Variants in AK3 observed in about 807,000 individuals in gnomAD.
AK3 encodes the protein GTP:AMP phosphotransferase AK3, mitochondrial.
Under a neutral mutation model 23.7 loss-of-function variants are expected in AK3, and 27 were observed. That is an observed-to-expected ratio of 1.14 (90% confidence interval 0.84 to 1.57). AK3 has a LOEUF of 1.57. Ranked by LOEUF, AK3 falls within the 40% of genes most tolerant of loss-of-function variation. AK3 has a pLI of 0.00. For synonymous variants in AK3, 159 were observed against 116.0 expected (o/e 1.37, Z -2.38); for missense variants, 406 against 285.6 (o/e 1.42, Z -3.04).
intron 1 of AK3, among the ~76,000 whole-genome samples, chr9:4,735,418 C>T (rs930122409): frequency 2.2e-5 from 2 of 90,038 alleles, no homozygotes; most frequent in African/African-American, 4.8e-5. Context: ...AATATATATA[C>T]ATATATAAAT....
intron 1 of AK3, among the ~76,000 whole-genome samples, chr9:4,728,936 CATAT>C (rs1224880271): frequency 1.6e-5 from 2 of 128,784 alleles, no homozygotes; most frequent in Non-Finnish European, 3.4e-5. Flanking sequence ...TATATACATA[CATAT>C]ATACATACAT....
Position 4,740,914 on chromosome 9 carries a change from G to T in AK3, c.151+23C>A, listed in dbSNP as rs764448561. On this transcript the variant is annotated intron_variant, in intron 1 of 4. Coordinates refer to ENST00000381809, the MANE Select transcript of AK3 (RefSeq NM_016282.4). ...CCGACCCGGGTGACAGCGCACGGCC[G>T]GCCCTGGGCCCAGAGCTCCCACCTG... is the stretch of plus-strand genomic sequence containing the variant. 4 of 1,509,330 alleles carry T rather than the reference G, an allele frequency of 2.7e-6. No individual in the cohort carries two copies. The African/African-American group carries it at 5.7e-5, about 22-fold the overall frequency. The allele number at this position is 1,509,330 out of a possible 1,614,324, so 93.5% of individuals were successfully genotyped here.
At chr9:4,724,079 G>A (rs191976928) in intron 1 of AK3, among the ~76,000 whole-genome samples, 8 of 152,196 alleles carry the variant, frequency 5.3e-5, no homozygotes, top group East Asian at 3.9e-4. Context: ...GCATGGACAC[G>A]GGCTGTCATG....
chr9:4,721,931 C>G (rs903891810), intron 2 of AK3, among the ~76,000 whole-genome samples: 8 of 152,224 alleles, frequency 5.3e-5, no homozygotes, highest in African/African-American at 7.2e-5. Flanking sequence ...AAGGGCAACA[C>G]TGAGTGCACG....
chr9:4,735,478 AT>A lies in AK3; in HGVS notation c.151+5458del, dbSNP rs201454793. On this transcript the variant is annotated intron_variant, in intron 1 of 4. Coordinates refer to ENST00000381809, the MANE Select transcript of AK3 (RefSeq NM_016282.4). ...ACATAGTATATGTGTATATATATAT[AT>A]TTTTTTTTTTTTTTTGGAAACAGAG... Among the ~76,000 whole-genome samples the A allele has an allele frequency of 3.0e-3, 185 of 62,582 alleles. 22 individuals are homozygous for A. Among genetic ancestry groups the A allele is most frequent in the African/African-American group, 9.0e-3 (138 of 15,294 alleles). 41.1% of individuals were successfully genotyped at this position (62,582 alleles called of 152,430 possible).
chr9:4,718,466 T>G lies in AK3; in HGVS notation c.516A>C (p.Arg172Ser), dbSNP rs770863203. 1 of 1,613,522 alleles carries G rather than the reference T, an allele frequency of 6.2e-7. No individual in the cohort carries two copies. The highest frequency in any genetic ancestry group is 8.5e-7 in the Non-Finnish European group (1 of 1,179,822). ...TTGTTTGGTCTTCATAAGCCTTTAG[T>G]CTCTTGATAACCGTCTCTGGTTTAT... Reference protein sequence around the residue: ...EDDKPETVIKRLKAYEDQTKP... With the variant: ...EDDKPETVIKSLKAYEDQTKP... The change falls in exon 4 of 5, where the codon AGA becomes AGC. Residue 172 changes from arginine to serine, a missense_variant. Transcript: ENST00000381809.
chr9:4,726,572 G>C (rs1255081259), intron 1 of AK3, among the ~76,000 whole-genome samples: 1 of 152,044 alleles, frequency 6.6e-6, no homozygotes, highest in Non-Finnish European at 1.5e-5. Flanking sequence ...TACATCTTCA[G>C]GCTGCACTTC....
intron 2 of AK3, among the ~76,000 whole-genome samples, chr9:4,719,810 A>G (rs542448992): frequency 5.3e-5 from 8 of 152,294 alleles, no homozygotes; most frequent in African/African-American, 1.9e-4. Flanking sequence ...TCACACCTGT[A>G]ATCCCAGCAT....
chr9:4,714,573 G>A (rs917542147), intron 4 of AK3, among the ~76,000 whole-genome samples: 1 of 152,150 alleles, frequency 6.6e-6, no homozygotes, highest in African/African-American at 2.4e-5. Flanking sequence ...TTGAAGAGCC[G>A]ATTTAAAAAT....
intron 1 of AK3, among the ~76,000 whole-genome samples, chr9:4,733,607 TCC>T (rs1383186866): frequency 6.6e-6 from 1 of 152,198 alleles, no homozygotes; most frequent in Non-Finnish European, 1.5e-5. Context: ...TCAATCTCTC[TCC>T]TCTTCAGTGA....
At chr9:4,726,031 T>C (rs7033631) in intron 1 of AK3, among the ~76,000 whole-genome samples, 69,761 of 152,060 alleles carry the variant, frequency 0.46, 18,658 homozygotes, top group East Asian at 0.74. Flanking sequence ...TTACATTACA[T>C]TGTAGTCTAT....
chr9:4,713,894 GTACACCTACGCCTACACATA>G, intron 4 of AK3, among the ~76,000 whole-genome samples: 2 of 20 alleles, frequency 0.1, no homozygotes, highest in Admixed American at 0.5. Context: ...TAGCCCATGC[GTACACCTACGCCTACACATA>G]TACACCTCCA....
chr9:4,736,979 G>C (rs1207075337), intron 1 of AK3, among the ~76,000 whole-genome samples: 1 of 151,942 alleles, frequency 6.6e-6, no homozygotes, highest in Non-Finnish European at 1.5e-5. Flanking sequence ...CACCTAGCCA[G>C]GGTTATGTCT....
intron 2 of AK3, among the ~76,000 whole-genome samples, chr9:4,721,902 CAGGGCTGCAGGGCTTGGCA>C (rs538219659): frequency 1.7e-3 from 261 of 152,310 alleles, no homozygotes; most frequent in Non-Finnish European, 3.1e-3. Context: ...GCAAGCAAGT[CAGGGCTGCAGGGCTTGGCA>C]AGGGCAACAC....
At chr9:4,723,772 C>A (rs1395391255) in intron 1 of AK3, among the ~76,000 whole-genome samples, 1 of 152,164 alleles carries the variant, frequency 6.6e-6, no homozygotes, top group Non-Finnish European at 1.5e-5. Flanking sequence ...AGCAGTACTG[C>A]TGGACATTTA....
chr9:4,730,117 A>T (rs565872884), intron 1 of AK3, among the ~76,000 whole-genome samples: 40 of 152,350 alleles, frequency 2.6e-4, no homozygotes, highest in African/African-American at 9.4e-4. Flanking sequence ...TAAAATGTTT[A>T]GAATAGGCAA....
intron 1 of AK3, among the ~76,000 whole-genome samples, chr9:4,732,746 T>C (rs1372369220): frequency 6.6e-6 from 1 of 152,178 alleles, no homozygotes; most frequent in Non-Finnish European, 1.5e-5. Flanking sequence ...CTTAAAAGTT[T>C]CATGTTACCC....
In AK3 at chr9:4,718,732, C is replaced by T. The variant is rs568356599; in HGVS notation, c.445-195G>A. 7.9e-5 allele frequency among the ~76,000 whole-genome samples: 12 copies of T among 152,136 alleles called. No homozygotes were observed. In the South Asian group the frequency reaches 2.1e-3, roughly 26 times the overall value. On this transcript the variant is annotated intron_variant, in intron 3 of 4. Coordinates refer to ENST00000381809, the MANE Select transcript of AK3 (RefSeq NM_016282.4). ...ACAGGGTACGCCAGTTTCATTTCTA[C>T]AGTTATCAGTCACTTTAGCCTTAGA... is the stretch of plus-strand genomic sequence containing the variant.
chr9:4,715,066 A>G (rs1841685344), intron 4 of AK3, among the ~76,000 whole-genome samples: 1 of 151,976 alleles, frequency 6.6e-6, no homozygotes, highest in African/African-American at 2.4e-5. Flanking sequence ...TAAAAATACA[A>G]AAATTAGCAG....
Sources: gnomAD v4.1 joint callset for allele counts (sites outside exome capture counted in the v4.1 genomes callset) on GRCh38, gnomAD v4.1.1 for gene constraint, MANE v1.5 for transcripts, NCBI Gene and HGNC (gene_info 2026-07-23, HGNC 2026-07-21) for gene names.